The following ABCB4 variants were observed in gnomAD, a reference collection of about 807,000 sequenced individuals.
The protein encoded by ABCB4 is phosphatidylcholine translocator ABCB4.
In ABCB4, 76 loss-of-function variants were observed where a neutral mutation model predicts 145.7. The ratio of observed to expected loss-of-function variants is 0.52; its 90% CI spans 0.43 to 0.63. The LOEUF (loss-of-function observed/expected upper bound fraction) is 0.63. Ranked by LOEUF, ABCB4 falls within the 30% of genes least tolerant of loss-of-function variation. The pLI is 0.00. For synonymous variants in ABCB4, 517 were observed against 566.8 expected, an observed-to-expected ratio of 0.91 and a Z score of 1.25; for missense variants, 1,234 against 1,553.1, an observed-to-expected ratio of 0.79 and a Z score of 3.45.
chr7:87,450,210 T>A, intron 7 of ABCB4, 118 bp from the exon 8 acceptor site: 1 of 1,391,032 alleles, frequency 7.2e-7, no homozygotes, highest in South Asian at 1.2e-5. Context: ...AATATTAAAG[T>A]CATGTAGCAA....
intron 16 of ABCB4, among the ~76,000 whole-genome samples, chr7:87,424,593 C>T (rs1367072025): frequency 6.6e-6 from 1 of 152,202 alleles, no homozygotes; most frequent in South Asian, 2.1e-4. Context: ...CTTGCCTTTT[C>T]TGTACCATAT....
chr7:87,400,266 G>A (rs1807723768), downstream of ABCB4, among the ~76,000 whole-genome samples: 1 of 152,042 alleles, frequency 6.6e-6, no homozygotes, highest in Non-Finnish European at 1.5e-5. Context: ...TAAAAGAGTG[G>A]GCACAGAGGG....
chr7:87,433,806 G>A (rs1330672488), intron 14 of ABCB4, among the ~76,000 whole-genome samples: 1 of 151,832 alleles, frequency 6.6e-6, no homozygotes, highest in Non-Finnish European at 1.5e-5. Context: ...GGATGTTCAG[G>A]GATGAAAGGT....
intron 4 of ABCB4, among the ~76,000 whole-genome samples, chr7:87,456,246 C>T (rs1436614519): frequency 6.6e-6 from 1 of 152,106 alleles, no homozygotes. Context: ...CTTTCAACAC[C>T]TACCTCAAAC....
At chr7:87,419,971 A>G in intron 19 of ABCB4, 27 bp downstream of exon 19, 1 of 1,604,030 alleles carries the variant, frequency 6.2e-7, no homozygotes, top group South Asian at 1.1e-5. Context: ...GAAAGATCAG[A>G]AGGCATTCTC....
Position 87,402,089 on chromosome 7 carries a change from C to T in ABCB4, c.*7G>A, listed in dbSNP as rs2116293687. 1.2e-6 allele frequency: 2 copies of T among 1,613,986 alleles called. No individual in the cohort carries two copies. Reference sequence around the variant, plus strand: ...AATTTATTTTTAAAATATACTGTAGCAAAAGTTCATAAGTTCTGTGTCCCA... The same window carrying T: ...AATTTATTTTTAAAATATACTGTAGTAAAAGTTCATAAGTTCTGTGTCCCA... On this transcript the variant is annotated 3_prime_UTR_variant, in exon 28 of 28. Coordinates refer to ENST00000649586, the MANE Select transcript of ABCB4 (RefSeq NM_000443.4).
the ABCB4 span, chr7:87,392,829 A>G: frequency 1.9e-6 from 3 of 1,612,338 alleles, no homozygotes; most frequent in South Asian, 1.1e-5. Context: ...AAAAGGTAAT[A>G]TAGTGTAGTG....
At chr7:87,447,319 T>A in intron 8 of ABCB4, 114 bp from the exon 9 acceptor site, 1 of 1,037,382 alleles carries the variant, frequency 9.6e-7, no homozygotes, top group Non-Finnish European at 1.4e-6. Context: ...GTCAAGGTAA[T>A]GAACCCATGG....
chr7:87,464,896 G>A (rs977109744), intron 3 of ABCB4, among the ~76,000 whole-genome samples: 10 of 152,164 alleles, frequency 6.6e-5, no homozygotes, highest in South Asian at 2.1e-4. Context: ...TTTCAGAGGC[G>A]GTTCCAAGAT....
chr7:87,417,162 A>G lies in ABCB4; in HGVS notation c.2682+150T>C, dbSNP rs1809032870. On this transcript the variant is annotated intron_variant, in intron 21 of 27. Coordinates refer to ENST00000649586, the MANE Select transcript of ABCB4 (RefSeq NM_000443.4). Reference sequence around the variant, plus strand: ...ATATTTAAGTTCTAGACATTAATACAGTAAAATATTTCATACACAATTGAC... The same window carrying G: ...ATATTTAAGTTCTAGACATTAATACGGTAAAATATTTCATACACAATTGAC... The G allele has an allele frequency of 4.4e-5, 34 of 764,830 alleles. No individual in the cohort carries two copies. In the East Asian group the frequency reaches 9.2e-4, roughly 21 times the overall value. The allele number at this position is 764,830 out of a possible 1,614,324, so 47.4% of individuals were successfully genotyped here. A position where few individuals can be genotyped will look rare whatever the true frequency, so the allele number is the denominator to read the frequency against.
intron 27 of ABCB4, among the ~76,000 whole-genome samples, 171 bp downstream of exon 27, chr7:87,402,964 C>G (rs1407032102): frequency 6.6e-6 from 1 of 152,166 alleles, no homozygotes; most frequent in African/African-American, 2.4e-5. Context: ...CGCCACTGCA[C>G]TACAGCCTAG....
At chr7:87,390,431 C>T in the ABCB4 span, among the ~76,000 whole-genome samples, 1 of 151,980 alleles carries the variant, frequency 6.6e-6, no homozygotes, top group African/African-American at 2.4e-5. Flanking sequence ...AATTTGTTTT[C>T]CTGAAAGAAT....
Position 87,422,182 on chromosome 7 carries a change from T to C in ABCB4, c.2255A>G (p.Asn752Ser). 6.2e-7 allele frequency: 1 copy of C among 1,613,784 alleles called. No homozygotes were observed. Among genetic ancestry groups the C allele is most frequent in the South Asian group, 1.1e-5 (1 of 91,072 alleles). ...GDDAVKQQKC[N>S]IFSLIFLFLG... ...AAATAAGAAAATCAAAGAGAATATG[T>C]TGCACTTCTGCTGCTTCACTGCATC... is the stretch of plus-strand genomic sequence containing the variant. The change falls in exon 18 of 28, where the codon AAC becomes AGC. Residue 752 changes from asparagine to serine, a missense_variant. This residue lies in a region of ABCB4 where 321 missense variants were observed against 332.6 expected (regional missense o/e 0.97). Transcript: ENST00000649586.
chr7:87,403,473 A>C (rs935100633), intron 26 of ABCB4, 192 bp from the exon 27 acceptor site: 5 of 586,632 alleles, frequency 8.5e-6, no homozygotes, highest in Non-Finnish European at 3.0e-6. Context: ...ACAATAGGCT[A>C]TCTTATAATT....
chr7:87,383,696 C>T, the ABCB4 span, among the ~76,000 whole-genome samples: 1 of 151,994 alleles, frequency 6.6e-6, no homozygotes, highest in Non-Finnish European at 1.5e-5. Context: ...GGGGTTTCGT[C>T]GTGTTGGCCA....
At chr7:87,392,565 G>A in the ABCB4 span, 2 of 1,612,352 alleles carry the variant, frequency 1.2e-6, no homozygotes, top group Non-Finnish European at 1.7e-6. Flanking sequence ...TTTTAATACA[G>A]CTTCGTGAGC....
intron 3 of ABCB4, among the ~76,000 whole-genome samples, chr7:87,466,129 G>A (rs545490380): frequency 6.6e-6 from 1 of 152,240 alleles, no homozygotes; most frequent in African/African-American, 2.4e-5. Context: ...CGAACCCATG[G>A]CAAAGAAGTT....
intron 19 of ABCB4, 120 bp from the exon 20 acceptor site, chr7:87,418,740 G>C: frequency 1.1e-6 from 1 of 886,340 alleles, no homozygotes; most frequent in Admixed American, 2.0e-5. Context: ...ATGCAGTGTA[G>C]AGTCCCTGGC....
intron 21 of ABCB4, among the ~76,000 whole-genome samples, chr7:87,416,521 G>A (rs31663): frequency 0.98 from 150,045 of 152,342 alleles, 73,903 homozygotes; most frequent in East Asian, 1. Context: ...ATAAGACTAA[G>A]AATGTTCATG....
Sources: allele counts gnomAD v4.1 joint callset (sites outside exome capture counted in the v4.1 genomes callset), GRCh38; gene constraint gnomAD v4.1.1; regional missense constraint gnomAD v4.1.1; transcripts MANE v1.5; gene names NCBI Gene and HGNC (gene_info 2026-07-23, HGNC 2026-07-21).